Variants in RAB36 observed in about 807,000 individuals in gnomAD.
RAB36 encodes ras-related protein Rab-36.
RAB36 carries 33 observed loss-of-function variants against 39.3 expected under a neutral mutation model. The ratio of observed to expected loss-of-function variants is 0.84; its 90% CI spans 0.64 to 1.12. The LOEUF (loss-of-function observed/expected upper bound fraction) is 1.12. Among genes scored for constraint, RAB36 ranks in the 50% most tolerant of loss-of-function variants. RAB36 has a pLI of 0.00. For missense variants in RAB36, 308 were observed against 355.3 expected (o/e 0.87, Z 1.07); for synonymous variants, 133 against 140.2 (o/e 0.95, Z 0.36).
intron 2 of RAB36, among the ~76,000 whole-genome samples, chr22:23,147,921 G>C (rs1488533908): frequency 6.6e-6 from 1 of 152,196 alleles, no homozygotes; most frequent in Non-Finnish European, 1.5e-5. Context: ...ACTCCGGTGT[G>C]TGAAAACAAG....
intron 1 of RAB36, chr22:23,146,024 C>T: frequency 1.0e-6 from 1 of 984,946 alleles, no homozygotes; most frequent in Non-Finnish European, 1.2e-6. Flanking sequence ...CCTCACAGCC[C>T]AGTAAGGTAA....
chr22:23,160,720 G>A (rs1422197859), intron 9 of RAB36, among the ~76,000 whole-genome samples, 159 bp from the exon 10 acceptor site: 3 of 152,164 alleles, frequency 2.0e-5, no homozygotes, highest in African/African-American at 7.2e-5. Context: ...TGTGTGAGTG[G>A]GTGGGGCTGT....
At chr22:23,160,573 T>C (rs2071721033) in intron 9 of RAB36, among the ~76,000 whole-genome samples, 1 of 152,054 alleles carries the variant, frequency 6.6e-6, no homozygotes, top group Admixed American at 6.6e-5. Flanking sequence ...TAGCATCTGA[T>C]TGGAAGAGTA....
intron 3 of RAB36, 93 bp downstream of exon 3, chr22:23,150,247 C>T (rs936813252): frequency 2.3e-4 from 239 of 1,023,280 alleles, no homozygotes; most frequent in Middle Eastern, 1.2e-3. Flanking sequence ...AACACACACA[C>T]GAGGCTGGTG....
At chr22:23,152,389 G>A in intron 3 of RAB36, 72 bp from the exon 4 acceptor site, 2 of 1,503,644 alleles carry the variant, frequency 1.3e-6, no homozygotes, top group Non-Finnish European at 1.9e-6. Flanking sequence ...GCTCAGGGAA[G>A]GAAGGGGCTG....
downstream of RAB36, among the ~76,000 whole-genome samples, chr22:23,165,921 C>T (rs539586273): frequency 3.9e-5 from 6 of 152,096 alleles, no homozygotes; most frequent in African/African-American, 7.2e-5. Flanking sequence ...CCAAGGCGGG[C>T]GGATCACGAG....
chr22:23,158,167 C>T (rs1346327631), intron 7 of RAB36, 124 bp downstream of exon 7: 2 of 1,521,050 alleles, frequency 1.3e-6, no homozygotes, highest in South Asian at 1.3e-5. Context: ...GGCCCCTTGT[C>T]AGAACCAGCT....
chr22:23,150,030 G>C (rs1319390295), intron 2 of RAB36, 33 bp from the exon 3 acceptor site: 27 of 1,534,358 alleles, frequency 1.8e-5, no homozygotes, highest in Non-Finnish European at 2.3e-5. Flanking sequence ...CAGCTTTGCA[G>C]GATGATGTGT....
chr22:23,161,133 G>A (rs2071763012), intron 10 of RAB36, 135 bp downstream of exon 10: 5 of 1,084,758 alleles, frequency 4.6e-6, no homozygotes, highest in Non-Finnish European at 6.5e-6. Context: ...CCTCCTCTCA[G>A]GGTGTCACTG....
At chr22:23,146,380 TGG>T (rs2070771247) in intron 1 of RAB36, among the ~76,000 whole-genome samples, 1 of 130,590 alleles carries the variant, frequency 7.7e-6, no homozygotes, top group Non-Finnish European at 1.7e-5. Flanking sequence ...CTAATTTTTT[TGG>T]TTTTTTTTTG....
At chr22:23,161,399 A>G in intron 10 of RAB36, 101 bp from the exon 11 acceptor site, 1 of 1,084,642 alleles carries the variant, frequency 9.2e-7, no homozygotes, top group Non-Finnish European at 1.4e-6. Flanking sequence ...CAGGCCCAGA[A>G]GCTTCAGCTC....
intron 1 of RAB36, 138 bp downstream of exon 1, chr22:23,145,689 G>A (rs774382787): frequency 9.2e-7 from 1 of 1,086,082 alleles, no homozygotes; most frequent in Non-Finnish European, 1.3e-6. Context: ...CTGCGGCCCC[G>A]GGGCGTCCTC....
chr22:23,158,804 A>G, intron 7 of RAB36, 94 bp from the exon 8 acceptor site: 1 of 1,098,986 alleles, frequency 9.1e-7, no homozygotes, highest in South Asian at 1.3e-5. Flanking sequence ...CCAGCCCAGC[A>G]CTTCAGCCCT....
intron 6 of RAB36, 99 bp from the exon 7 acceptor site, chr22:23,157,893 C>T: frequency 1.3e-6 from 2 of 1,583,732 alleles, no homozygotes; most frequent in Non-Finnish European, 1.7e-6. Context: ...GGTTGGGGGG[C>T]TGCCCTGGCA....
In RAB36 at chr22:23,164,800, C is replaced by A. The variant is rs561412805; in HGVS notation, c.*3236C>A. Reference sequence around the variant, plus strand: ...TCACCTGTCTCTTCTGCTGGAGACACGTACCTGAAGCAGGTCCTCTCCTGT... The same window carrying A: ...TCACCTGTCTCTTCTGCTGGAGACAAGTACCTGAAGCAGGTCCTCTCCTGT... On this transcript the variant is annotated 3_prime_UTR_variant, in exon 11 of 11. Coordinates refer to ENST00000263116, the MANE Select transcript of RAB36 (RefSeq NM_004914.5). Among the ~76,000 whole-genome samples the A allele has an allele frequency of 6.6e-6, 1 of 152,162 alleles. No individual in the cohort carries two copies. Among genetic ancestry groups the A allele is most frequent in the Non-Finnish European group, 1.5e-5 (1 of 68,022 alleles).
Position 23,151,823 on chromosome 22 carries a change from C to A in RAB36, c.162-638C>A, listed in dbSNP as rs535151440. Among the ~76,000 whole-genome samples the A allele has an allele frequency of 1.7e-3, 253 of 152,300 alleles. 2 individuals carry two copies. Among genetic ancestry groups the A allele is most frequent in the African/African-American group, 5.8e-3 (242 of 41,560 alleles). On this transcript the variant is annotated intron_variant, in intron 3 of 10. Coordinates refer to ENST00000263116, the MANE Select transcript of RAB36 (RefSeq NM_004914.5). The stretch of plus-strand genomic sequence containing the variant: ...TGGGGAACAGTGACCCACAGAGAGC[C>A]CAAGAACCTCAGAGCCGATTTGCCT...
Position 23,159,186 on chromosome 22 carries a change from C to T in RAB36, c.552C>T (p.Ala184=), listed in dbSNP as rs191271034. Residue 184 remains alanine, a synonymous_variant, in exon 9 of 11, where the codon GCC becomes GCT. Transcript: ENST00000263116. The part of the protein sequence containing the change: ...DLLSGAACEQ[A]EADAVHLARE... ...AGTCAGGGGCCGCATGTGAGCAGGC[C>T]GAAGCAGACGCTGTGCACCTGGCCA... is the stretch of plus-strand genomic sequence containing the variant. The T allele has an allele frequency of 3.6e-5, 58 of 1,611,028 alleles. No homozygotes were observed. The South Asian group carries it at 3.7e-4, about 10-fold the overall frequency.
chr22:23,154,582 T>C (rs893796555), intron 5 of RAB36, among the ~76,000 whole-genome samples: 1 of 152,132 alleles, frequency 6.6e-6, no homozygotes, highest in African/African-American at 2.4e-5. Flanking sequence ...AAAGACTGGC[T>C]GGGGGCTGGG....
chr22:23,166,264 G>T (rs1282243232), downstream of RAB36, among the ~76,000 whole-genome samples: 1 of 147,534 alleles, frequency 6.8e-6, no homozygotes, highest in African/African-American at 2.5e-5. Flanking sequence ...CCAAAATGGG[G>T]CATTTTGGCC....
Sources: gnomAD v4.1 joint callset for allele counts (sites outside exome capture counted in the v4.1 genomes callset) on GRCh38, gnomAD v4.1.1 for gene constraint, MANE v1.5 for transcripts, NCBI Gene and HGNC (gene_info 2026-07-23, HGNC 2026-07-21) for gene names.